Variants in FER1L6 observed in about 807,000 individuals in gnomAD.
FER1L6 encodes the protein fer-1-like protein 6.
In FER1L6, 177 loss-of-function variants were observed where a neutral mutation model predicts 219.2. The ratio of observed to expected loss-of-function variants is 0.81; its 90% CI spans 0.71 to 0.91. FER1L6 has a LOEUF of 0.91. Ranked by LOEUF, FER1L6 falls within the 40% of genes least tolerant of loss-of-function variation. The pLI, the probability that FER1L6 is intolerant of heterozygous loss-of-function variation, is 0.00. For missense variants in FER1L6, 2,153 were observed against 2,259.9 expected (o/e 0.95, Z 0.96); for synonymous variants, 768 against 824.3 (o/e 0.93, Z 1.17).
intron 1 of FER1L6, among the ~76,000 whole-genome samples, chr8:123,866,451 C>A (rs112439233): frequency 6.6e-6 from 1 of 152,002 alleles, no homozygotes; most frequent in Admixed American, 6.6e-5. Flanking sequence ...GAAATAAACA[C>A]GGGAGTGCAG....
At position 124,076,334 on chromosome 8, in the gene FER1L6, C is replaced by A. The variant is rs201822122; in HGVS notation, c.4220+9C>A. 2.7e-5 allele frequency: 43 copies of A among 1,611,168 alleles called. No homozygotes were observed. The highest frequency in any genetic ancestry group is 3.5e-5 in the Non-Finnish European group (41 of 1,177,620). On this transcript the variant is annotated intron_variant, in intron 32 of 40. Coordinates refer to ENST00000522917, the MANE Select transcript of FER1L6 (RefSeq NM_001039112.2). The stretch of plus-strand genomic sequence containing the variant: ...AACCCAGTATTTGGAAGGTCAGTGG[C>A]CATCTGGGCTGTGTTTTATTGTCCT...
At chr8:123,991,323 A>G (rs1816843909) in intron 12 of FER1L6, among the ~76,000 whole-genome samples, 3 of 152,042 alleles carry the variant, frequency 2.0e-5, no homozygotes, top group African/African-American at 4.8e-5. Flanking sequence ...CACAACACTG[A>G]TTTTTCTAAT....
chr8:124,006,384 G>C (rs960569262), intron 13 of FER1L6, among the ~76,000 whole-genome samples: 2 of 152,148 alleles, frequency 1.3e-5, no homozygotes, highest in Non-Finnish European at 2.9e-5. Context: ...GTACAGTTGG[G>C]CTTTCTGTAC....
chr8:123,866,350 G>A (rs1028572817), intron 1 of FER1L6, among the ~76,000 whole-genome samples: 1 of 151,106 alleles, frequency 6.6e-6, no homozygotes, highest in Non-Finnish European at 1.5e-5. Flanking sequence ...ATAAAAATAT[G>A]TATATATATA....
At chr8:123,944,595 C>G (rs1364260571) in intron 1 of FER1L6, among the ~76,000 whole-genome samples, 4 of 152,172 alleles carry the variant, frequency 2.6e-5, no homozygotes, top group Non-Finnish European at 5.9e-5. Context: ...TACACACACT[C>G]TCAATCCTTA....
intron 21 of FER1L6, among the ~76,000 whole-genome samples, chr8:124,048,306 G>C (rs1819826703): frequency 6.6e-6 from 1 of 152,214 alleles, no homozygotes; most frequent in African/African-American, 2.4e-5. Flanking sequence ...AGGTCCAACA[G>C]CTTTCACTCA....
At chr8:124,034,789 G>A (rs188678323) in intron 18 of FER1L6, among the ~76,000 whole-genome samples, 66 of 152,308 alleles carry the variant, frequency 4.3e-4, no homozygotes, top group African/African-American at 1.5e-3. Flanking sequence ...TGGAACTCCA[G>A]ACAGTTGGAA....
chr8:123,855,983 GATATATGTATATACATATGTATATGAGAT>G (rs1816632585), intron 1 of FER1L6, among the ~76,000 whole-genome samples: 7 of 132,718 alleles, frequency 5.3e-5, no homozygotes, highest in Non-Finnish European at 8.0e-5. Context: ...ATGTATATGA[GATATATGTATATACATATGTATATGAGAT>G]ATATGTATAT....
chr8:123,924,082 C>T (rs188926011), intron 1 of FER1L6, among the ~76,000 whole-genome samples: 2 of 151,512 alleles, frequency 1.3e-5, no homozygotes, highest in East Asian at 1.9e-4. Flanking sequence ...TGGCGAACCC[C>T]GTCTCTACTA....
intron 22 of FER1L6, among the ~76,000 whole-genome samples, chr8:124,057,796 C>T (rs1032728723): frequency 6.6e-6 from 1 of 151,904 alleles, no homozygotes; most frequent in African/African-American, 2.4e-5. Context: ...TCACTAAGTT[C>T]TTCTTTCCAG....
chr8:123,931,770 T>C (rs1445780568), intron 1 of FER1L6, among the ~76,000 whole-genome samples: 1 of 152,178 alleles, frequency 6.6e-6, no homozygotes, highest in East Asian at 1.9e-4. Context: ...AATATTAAAA[T>C]CTCAACAGTC....
At chr8:124,093,645 CT>C (rs1315697784) in intron 34 of FER1L6, among the ~76,000 whole-genome samples, 2 of 151,966 alleles carry the variant, frequency 1.3e-5, no homozygotes, top group Non-Finnish European at 1.5e-5. Flanking sequence ...ACAATTACCA[CT>C]TTTTTGCCCA....
chr8:124,002,027 C>T (rs1817431565), intron 12 of FER1L6, among the ~76,000 whole-genome samples: 1 of 152,182 alleles, frequency 6.6e-6, no homozygotes, highest in Non-Finnish European at 1.5e-5. Flanking sequence ...AGACCAGCTA[C>T]AGCCTGATCC....
chr8:123,854,091 G>A (rs562273138), intron 1 of FER1L6, among the ~76,000 whole-genome samples: 12 of 152,300 alleles, frequency 7.9e-5, no homozygotes, highest in South Asian at 2.1e-4. Flanking sequence ...ATGAAAAGAC[G>A]TCTGGTGAGA....
chr8:123,951,364 G>A (rs1814757619), intron 1 of FER1L6, among the ~76,000 whole-genome samples: 1 of 152,216 alleles, frequency 6.6e-6, no homozygotes, highest in Non-Finnish European at 1.5e-5. Context: ...CATTGAATAG[G>A]TAAGTTTTGA....
At chr8:123,893,796 G>C (rs931097031) in intron 1 of FER1L6, among the ~76,000 whole-genome samples, 1 of 152,182 alleles carries the variant, frequency 6.6e-6, no homozygotes, top group Admixed American at 6.5e-5. Flanking sequence ...CCAAGTATGT[G>C]GGACTGAAGC....
rs571072870 is a variant in FER1L6 at position 124,054,541 on chromosome 8, G to C, written c.2874+4785G>C. On this transcript the variant is annotated intron_variant, in intron 22 of 40. Coordinates refer to ENST00000522917, the MANE Select transcript of FER1L6 (RefSeq NM_001039112.2). ...TGAAGAGGAAATCTGCCCCATAGGA[G>C]ACCGTCACATTTCTGTAGCCTGGCT... is the stretch of plus-strand genomic sequence containing the variant. 2.0e-5 allele frequency among the ~76,000 whole-genome samples: 3 copies of C among 152,272 alleles called. No individual in the cohort carries two copies. The South Asian group carries it at 6.2e-4, about 32-fold the overall frequency.
At chr8:123,936,781 T>C (rs1219144463) in intron 1 of FER1L6, among the ~76,000 whole-genome samples, 3 of 152,148 alleles carry the variant, frequency 2.0e-5, no homozygotes, top group Non-Finnish European at 2.9e-5. Flanking sequence ...CCACTGACAA[T>C]TGATAAAAGC....
chr8:123,954,791 T>C (rs542417263), intron 1 of FER1L6, among the ~76,000 whole-genome samples: 3 of 152,250 alleles, frequency 2.0e-5, no homozygotes, highest in Admixed American at 6.5e-5. Context: ...ATAAGCAAAA[T>C]GGGAGACTGT....
Sources: gnomAD v4.1 joint callset for allele counts (sites outside exome capture counted in the v4.1 genomes callset) on GRCh38, gnomAD v4.1.1 for gene constraint, MANE v1.5 for transcripts, NCBI Gene and HGNC (gene_info 2026-07-23, HGNC 2026-07-21) for gene names.